Variants in ABTB3 observed in about 807,000 individuals in gnomAD.
The protein encoded by ABTB3 is ankyrin repeat and BTB domain containing 3, also known as ankyrin repeat- and BTB/POZ domain-containing protein 3.
chr12:107,381,602 G>A, the ABTB3 span, among the ~76,000 whole-genome samples: 1 of 152,230 alleles, frequency 6.6e-6, no homozygotes, highest in Non-Finnish European at 1.5e-5. Context: ...AATGGCAATG[G>A]ATGAGGCTGG....
chr12:107,516,522 A>C, the ABTB3 span, among the ~76,000 whole-genome samples: 1 of 152,254 alleles, frequency 6.6e-6, no homozygotes, highest in South Asian at 2.1e-4. Flanking sequence ...GTGAGACACC[A>C]CACCCGGCCC....
the ABTB3 span, among the ~76,000 whole-genome samples, chr12:107,630,356 G>A: frequency 2.6e-5 from 4 of 152,278 alleles, no homozygotes; most frequent in South Asian, 2.1e-4. Flanking sequence ...AACCTCTGGC[G>A]AATGAATGGA....
the ABTB3 span, chr12:107,320,139 C>T: frequency 7.3e-7 from 1 of 1,361,708 alleles, no homozygotes; most frequent in Non-Finnish European, 9.6e-7. Context: ...CGCAAGTTTG[C>T]CTCGCGTCCC....
At chr12:107,366,818 T>C in the ABTB3 span, among the ~76,000 whole-genome samples, 1 of 152,216 alleles carries the variant, frequency 6.6e-6, no homozygotes, top group Non-Finnish European at 1.5e-5. Flanking sequence ...TCTGAGTTAC[T>C]GATTATTCTT....
At chr12:107,347,274 G>T in the ABTB3 span, among the ~76,000 whole-genome samples, 1 of 152,132 alleles carries the variant, frequency 6.6e-6, no homozygotes, top group African/African-American at 2.4e-5. Context: ...GAGATATAAA[G>T]TTAAATATCT....
the ABTB3 span, among the ~76,000 whole-genome samples, chr12:107,363,562 G>A: frequency 6.6e-6 from 1 of 152,204 alleles, no homozygotes; most frequent in Non-Finnish European, 1.5e-5. Flanking sequence ...AGTAAAGCAA[G>A]AGAAACAGAG....
At chr12:107,325,778 T>C in the ABTB3 span, among the ~76,000 whole-genome samples, 1 of 152,220 alleles carries the variant, frequency 6.6e-6, no homozygotes, top group Admixed American at 6.5e-5. Context: ...CAGGCACACC[T>C]GTAAGCTGCA....
the ABTB3 span, among the ~76,000 whole-genome samples, chr12:107,444,622 C>T: frequency 6.6e-6 from 1 of 152,254 alleles, no homozygotes; most frequent in Admixed American, 6.5e-5. Flanking sequence ...CATGAGCAGT[C>T]ATAAGGGAGG....
At chr12:107,630,416 C>G in the ABTB3 span, among the ~76,000 whole-genome samples, 1 of 151,938 alleles carries the variant, frequency 6.6e-6, no homozygotes, top group East Asian at 1.9e-4. Context: ...CACCCTCCCT[C>G]TTTCTCTCTT....
chr12:107,319,380 C>T, the ABTB3 span: 10 of 1,581,180 alleles, frequency 6.3e-6, no homozygotes, highest in South Asian at 1.1e-4. Flanking sequence ...GCCAAAGAGG[C>T]GCAGCGCCTG....
chr12:107,543,784 C>T, the ABTB3 span: 1 of 664,972 alleles, frequency 1.5e-6, no homozygotes, highest in Non-Finnish European at 2.5e-6. Context: ...ATCCATTCCT[C>T]TCTGCTTGGT....
chr12:107,460,077 G>T, the ABTB3 span, among the ~76,000 whole-genome samples: 1 of 152,236 alleles, frequency 6.6e-6, no homozygotes, highest in Admixed American at 6.5e-5. Context: ...TTCTCAAGGG[G>T]CAACTTCTCC....
chr12:107,555,733 A>C, the ABTB3 span, among the ~76,000 whole-genome samples: 3 of 152,216 alleles, frequency 2.0e-5, no homozygotes. Flanking sequence ...TGACAGCTGC[A>C]TGTGGCTCAG....
the ABTB3 span, among the ~76,000 whole-genome samples, chr12:107,569,816 G>T: frequency 6.6e-6 from 1 of 152,232 alleles, no homozygotes. Context: ...ATCCAGGGCA[G>T]GTTTGGCCAC....
the ABTB3 span, among the ~76,000 whole-genome samples, chr12:107,654,567 G>A: frequency 2.0e-5 from 3 of 152,048 alleles, no homozygotes; most frequent in Admixed American, 6.6e-5. Flanking sequence ...CCAAAGTGTT[G>A]GGATTACAGA....
the ABTB3 span, among the ~76,000 whole-genome samples, chr12:107,373,962 G>A: frequency 7.2e-4 from 110 of 152,314 alleles, no homozygotes; most frequent in African/African-American, 2.6e-3. Flanking sequence ...CGTTGGAGGC[G>A]GAGAGGACTT....
chr12:107,567,308 C>G, the ABTB3 span, among the ~76,000 whole-genome samples: 1 of 152,154 alleles, frequency 6.6e-6, no homozygotes, highest in Admixed American at 6.5e-5. Flanking sequence ...TTCATATGGC[C>G]CAGTCTCCTC....
the ABTB3 span, among the ~76,000 whole-genome samples, chr12:107,419,970 A>G: frequency 6.6e-6 from 1 of 152,186 alleles, no homozygotes; most frequent in Non-Finnish European, 1.5e-5. Flanking sequence ...TGAGGAATGA[A>G]AAAGGAAATG....
the ABTB3 span, among the ~76,000 whole-genome samples, chr12:107,588,781 A>C: frequency 1.3e-5 from 2 of 152,320 alleles, no homozygotes; most frequent in South Asian, 2.1e-4. Context: ...TCGGCCTCCC[A>C]AAGTGCTGAG....
Sources: gnomAD v4.1 joint callset for allele counts (sites outside exome capture counted in the v4.1 genomes callset) on GRCh38, gnomAD v4.1.1 for gene constraint, MANE v1.5 for transcripts, NCBI Gene and HGNC (gene_info 2026-07-23, HGNC 2026-07-21) for gene names.